Variants in TCF25 observed in about 807,000 individuals in gnomAD.
The protein encoded by TCF25 is TCF25 ribosome quality control complex subunit, also known as ribosome quality control complex subunit TCF25.
In TCF25, 41 loss-of-function variants were observed where a neutral mutation model predicts 83.1. The ratio of observed to expected loss-of-function variants is 0.49; its 90% confidence interval spans 0.38 to 0.64. The LOEUF is 0.64. TCF25 is among the 30% of genes least tolerant of loss of function. The pLI is 0.00. For missense variants in TCF25, 979 were observed against 914.5 expected, an observed-to-expected ratio of 1.07 and a Z score of -0.91; for synonymous variants, 458 against 365.0, an observed-to-expected ratio of 1.25 and a Z score of -2.90.
intron 16 of TCF25, chr16:89,909,575 G>C (rs1219061986): frequency 1.3e-5 from 2 of 156,086 alleles, no homozygotes; most frequent in African/African-American, 4.9e-5. Context: ...CTACTCAGGA[G>C]GCTGAGGCAG....
chr16:89,904,135 G>C lies in TCF25; in HGVS notation c.1399G>C (p.Glu467Gln). ...CCCTGCAGTCCTCCTGCCCCTGCTC[G>C]AGTCTTGCAGTGTGCGGCCCGACGC... The part of the protein sequence containing the change: ...MFPGVLLPLL[E>Q]SCSVRPDASV... Residue 467 changes from glutamate (E) to glutamine (Q), a missense_variant, in exon 13 of 18, where the codon GAG becomes CAG. Transcript: ENST00000263346. 6.2e-7 allele frequency: 1 copy of C among 1,607,302 alleles called. No homozygotes were observed. Among genetic ancestry groups the C allele is most frequent in the Admixed American group, 1.7e-5 (1 of 59,312 alleles).
At chr16:89,908,587 C>T (rs1408381423) in intron 16 of TCF25, among the ~76,000 whole-genome samples, 7 of 141,950 alleles carry the variant, frequency 4.9e-5, no homozygotes, top group Middle Eastern at 4.2e-3. Context: ...GTTCCCACCT[C>T]CCAGCTCCCG....
In TCF25 at chr16:89,896,043, A is replaced by G; in HGVS notation, c.982A>G (p.Ser328Gly). The change falls in exon 9 of 18, where the codon AGT (serine) becomes GGT (glycine). Residue 328 changes from serine to glycine, a missense_variant. Physicochemically the swap from Ser to Gly is moderately conservative, Grantham distance 56 (BLOSUM62 0). Coordinates refer to ENST00000263346, the MANE Select transcript of TCF25 (RefSeq NM_014972.3). ...CAFHPLFSLTSGACRLDYRRP... is the reference protein window; with the variant it reads ...CAFHPLFSLTGGACRLDYRRP... ...GTTCCACCCCCTGTTCAGTCTCACCAGTGGGGCCTGCCGGCTGGATTACCG... is the reference window on the plus strand; with the variant it reads ...GTTCCACCCCCTGTTCAGTCTCACCGGTGGGGCCTGCCGGCTGGATTACCG... 6.2e-7 allele frequency: 1 copy of G among 1,613,868 alleles called. No individual in the cohort carries two copies. The highest frequency in any genetic ancestry group is 1.1e-5 in the South Asian group (1 of 91,076).
intron 2 of TCF25, 74 bp downstream of exon 2, chr16:89,883,586 C>T: frequency 6.9e-7 from 1 of 1,458,554 alleles, no homozygotes; most frequent in Non-Finnish European, 9.2e-7. Context: ...GTATCCTGTG[C>T]TGTGATTTTC....
chr16:89,893,916 G>T (rs2043621808), intron 7 of TCF25, 58 bp downstream of exon 7: 1 of 1,547,798 alleles, frequency 6.5e-7, no homozygotes, highest in African/African-American at 1.4e-5. Flanking sequence ...CCACTGCCCT[G>T]GGCCGCCTGC....
At chr16:89,902,831 C>T (rs1376325700) in intron 12 of TCF25, among the ~76,000 whole-genome samples, 1 of 152,150 alleles carries the variant, frequency 6.6e-6, no homozygotes, top group Non-Finnish European at 1.5e-5. Context: ...ACACACATTA[C>T]GTGACCACTC....
At chr16:89,908,597 GCCTCCCT>G (rs1479930845) in intron 16 of TCF25, among the ~76,000 whole-genome samples, 1,724 of 22,460 alleles carry the variant, frequency 0.077, 41 homozygotes, top group South Asian at 0.12. Flanking sequence ...CCCAGCTCCC[GCCTCCCT>G]CCTCCCAGCT....
At chr16:89,904,840 C>A (rs2044642100) in intron 13 of TCF25, 98 bp from the exon 14 acceptor site, 2 of 1,453,180 alleles carry the variant, frequency 1.4e-6, no homozygotes, top group Non-Finnish European at 1.9e-6. Context: ...CAGGGCACTC[C>A]CTGGACCCCC....
chr16:89,888,588 CAAA>C (rs749729484), intron 5 of TCF25, among the ~76,000 whole-genome samples: 1 of 100,962 alleles, frequency 9.9e-6, no homozygotes, highest in Non-Finnish European at 2.2e-5. Flanking sequence ...AACTCCATCT[CAAA>C]AAAAAAAAAA....
intron 1 of TCF25, among the ~76,000 whole-genome samples, chr16:89,881,126 G>A (rs893041575): frequency 1.3e-5 from 2 of 152,172 alleles, no homozygotes; most frequent in Non-Finnish European, 2.9e-5. Context: ...CTCCTGAATC[G>A]TATCCTTGTC....
Position 89,911,120 on chromosome 16 carries a change from G to T in TCF25, c.1913G>T (p.Arg638Leu). Residue 638 changes from arginine to leucine, a missense_variant, in exon 18 of 18, where the codon CGC becomes CTC. Coordinates refer to ENST00000263346, the MANE Select transcript of TCF25 (RefSeq NM_014972.3). ...PEEGVAGGLN[R>L]NQGLNRLMLA... ...GAAGGAGTGGCTGGGGGTCTGAACCGCAACCAGGGCCTGAACAGGCTGATG... is the reference window on the plus strand; with the variant it reads ...GAAGGAGTGGCTGGGGGTCTGAACCTCAACCAGGGCCTGAACAGGCTGATG... 6.2e-7 allele frequency: 1 copy of T among 1,611,594 alleles called. No homozygotes were observed. The highest frequency in any genetic ancestry group is 1.1e-5 in the South Asian group (1 of 91,020).
chr16:89,888,126 G>C (rs1013809780), intron 5 of TCF25, among the ~76,000 whole-genome samples: 1 of 152,074 alleles, frequency 6.6e-6, no homozygotes, highest in Admixed American at 6.5e-5. Context: ...TTAGCTGGGC[G>C]TGGTGGGCAG....
At chr16:89,885,207 A>G (rs1285003115) in intron 3 of TCF25, among the ~76,000 whole-genome samples, 2 of 152,364 alleles carry the variant, frequency 1.3e-5, no homozygotes, top group Non-Finnish European at 2.9e-5. Context: ...TATTAGGAGT[A>G]TAACTAAGAG....
chr16:89,890,446 A>G (rs2043343742), intron 5 of TCF25: 1 of 152,148 alleles, frequency 6.6e-6, no homozygotes, highest in South Asian at 2.1e-4. Flanking sequence ...AGTGGTTTGG[A>G]AACCTGCCGT....
chr16:89,875,859 A>T (rs2042151731), intron 1 of TCF25, among the ~76,000 whole-genome samples: 1 of 114,486 alleles, frequency 8.7e-6, no homozygotes, highest in Non-Finnish European at 1.7e-5. Flanking sequence ...GGTTACAGAC[A>T]GGGTCTCACG....
At chr16:89,898,362 TGACTGGGGC>T (rs2044037763) in intron 9 of TCF25, among the ~76,000 whole-genome samples, 186 bp from the exon 10 acceptor site, 2 of 150,436 alleles carry the variant, frequency 1.3e-5, no homozygotes, top group African/African-American at 4.9e-5. Flanking sequence ...GAGCGGGTGT[TGACTGGGGC>T]GCTGAGCAGT....
chr16:89,898,930 T>C (rs565407138), intron 11 of TCF25, 58 bp downstream of exon 11: 97 of 1,551,740 alleles, frequency 6.3e-5, no homozygotes, highest in Admixed American at 1.2e-4. Context: ...CTCCTTCTGT[T>C]TTCTTGGTTC....
chr16:89,906,518 C>T (rs116714182), intron 15 of TCF25, among the ~76,000 whole-genome samples: 11 of 152,180 alleles, frequency 7.2e-5, no homozygotes, highest in South Asian at 6.2e-4. Flanking sequence ...CAAGCTGAGT[C>T]GTCACCGTGG....
intron 12 of TCF25, among the ~76,000 whole-genome samples, chr16:89,901,225 C>T (rs866983137): frequency 3.3e-5 from 5 of 152,260 alleles, no homozygotes; most frequent in South Asian, 2.1e-4. Context: ...CCTGCACAGC[C>T]GTGACCCCTG....
Sources: allele counts gnomAD v4.1 joint callset (sites outside exome capture counted in the v4.1 genomes callset), GRCh38; gene constraint gnomAD v4.1.1; transcripts MANE v1.5; gene names NCBI Gene and HGNC (gene_info 2026-07-23, HGNC 2026-07-21).